Variants in SLC24A3 observed in about 807,000 individuals in gnomAD.
SLC24A3 encodes the protein sodium/potassium/calcium exchanger 3.
Under a neutral mutation model 75.8 loss-of-function variants are expected in SLC24A3, and 28 were observed. The observed-to-expected ratio is 0.37, with a 90% CI of 0.27 to 0.51. The LOEUF (loss-of-function observed/expected upper bound fraction) is 0.51, where lower values mean the gene tolerates loss of function less well. SLC24A3 is among the 20% of genes least tolerant of loss of function. SLC24A3 has a pLI of 0.94. For missense variants in SLC24A3, 663 were observed against 847.8 expected (o/e 0.78, Z 2.71); for synonymous variants, 372 against 334.1 (o/e 1.11, Z -1.24).
chr20:19,502,093 A>G (rs567707083), intron 2 of SLC24A3, among the ~76,000 whole-genome samples: 102 of 152,276 alleles, frequency 6.7e-4, no homozygotes, highest in African/African-American at 2.4e-3. Flanking sequence ...AGACTGGCAG[A>G]GAGCCATAGC....
At chr20:19,504,722 G>C (rs374629357) in intron 2 of SLC24A3, among the ~76,000 whole-genome samples, 1 of 152,196 alleles carries the variant, frequency 6.6e-6, no homozygotes, top group African/African-American at 2.4e-5. Flanking sequence ...GGCACCAAGG[G>C]ACACTTTGAG....
Position 19,430,531 on chromosome 20 carries a change from A to G in SLC24A3, c.272-84957A>G, listed in dbSNP as rs144048754. Among the ~76,000 whole-genome samples the G allele has an allele frequency of 2.8e-4, 43 of 152,306 alleles. 3 individuals carry two copies. The East Asian group carries it at 8.3e-3, about 29-fold the overall frequency. On this transcript the variant is annotated intron_variant, in intron 2 of 16. Coordinates refer to ENST00000328041, the MANE Select transcript of SLC24A3 (RefSeq NM_020689.4). The stretch of plus-strand genomic sequence containing the variant: ...CAGTTTATTTATGTGGAATTTAAAA[A>G]CAGAACGTGGACTATAGGATTTCTG...
chr20:19,484,169 A>C (rs1446206147), intron 2 of SLC24A3, among the ~76,000 whole-genome samples: 1 of 152,188 alleles, frequency 6.6e-6, no homozygotes, highest in Non-Finnish European at 1.5e-5. Flanking sequence ...AGTATTTTGA[A>C]TTTTGGATTT....
intron 1 of SLC24A3, chr20:19,244,401 A>G (rs1982424181): frequency 6.6e-6 from 1 of 152,284 alleles, no homozygotes; most frequent in Non-Finnish European, 1.5e-5. Flanking sequence ...GGAGCTGGAC[A>G]TTAGCCTCTA....
chr20:19,441,548 G>C (rs1987299482), intron 2 of SLC24A3, among the ~76,000 whole-genome samples: 1 of 152,134 alleles, frequency 6.6e-6, no homozygotes, highest in Non-Finnish European at 1.5e-5. Context: ...TAGAGTTACA[G>C]AAAAGTGAGT....
intron 2 of SLC24A3, among the ~76,000 whole-genome samples, chr20:19,471,488 T>C (rs952486166): frequency 6.6e-6 from 1 of 151,782 alleles, no homozygotes; most frequent in Non-Finnish European, 1.5e-5. Flanking sequence ...TGAATGCATG[T>C]GTGTTCAAGG....
At chr20:19,694,125 C>T (rs866538791) in intron 13 of SLC24A3, 1 of 152,212 alleles carries the variant, frequency 6.6e-6, no homozygotes, top group African/African-American at 2.4e-5. Context: ...TTGACATTGA[C>T]TGATATTAGT....
At chr20:19,658,660 G>A (rs2032291529) in intron 7 of SLC24A3, among the ~76,000 whole-genome samples, 1 of 152,274 alleles carries the variant, frequency 6.6e-6, no homozygotes, top group African/African-American at 2.4e-5. Flanking sequence ...CATCTGGCCA[G>A]CGGTGGAGAG....
At chr20:19,278,752 C>T (rs906158586) in intron 1 of SLC24A3, among the ~76,000 whole-genome samples, 1 of 152,148 alleles carries the variant, frequency 6.6e-6, no homozygotes, top group Non-Finnish European at 1.5e-5. Flanking sequence ...TCATTAGACT[C>T]CACATCCTTC....
At chr20:19,552,332 G>C (rs1408716844) in intron 3 of SLC24A3, among the ~76,000 whole-genome samples, 1 of 152,138 alleles carries the variant, frequency 6.6e-6, no homozygotes, top group African/African-American at 2.4e-5. Context: ...CGCAAGCAAA[G>C]CTCCTCCCTC....
At chr20:19,235,800 A>G (rs1982149548) in intron 1 of SLC24A3, among the ~76,000 whole-genome samples, 1 of 152,108 alleles carries the variant, frequency 6.6e-6, no homozygotes, top group Admixed American at 6.5e-5. Flanking sequence ...TCCATTACCT[A>G]CAAGGTGCAA....
At chr20:19,497,148 C>G (rs764398866) in intron 2 of SLC24A3, among the ~76,000 whole-genome samples, 1 of 152,224 alleles carries the variant, frequency 6.6e-6, no homozygotes, top group Non-Finnish European at 1.5e-5. Flanking sequence ...TGCCAACATG[C>G]TTTCCATCAG....
intron 6 of SLC24A3, among the ~76,000 whole-genome samples, chr20:19,633,648 C>CAAAAAAAA (rs61251598): frequency 2.4e-5 from 2 of 85,102 alleles, no homozygotes; most frequent in African/African-American, 5.0e-5. Flanking sequence ...GACTCCGTCT[C>CAAAAAAAA]AAAAAAAAAA....
chr20:19,343,069 C>CAAAA (rs5840837), intron 2 of SLC24A3, among the ~76,000 whole-genome samples: 8 of 73,742 alleles, frequency 1.1e-4, no homozygotes, highest in East Asian at 3.7e-4. Flanking sequence ...GACTCCATCT[C>CAAAA]AAAAAAAAAA....
chr20:19,213,135 G>C, intron 1 of SLC24A3, 151 bp downstream of exon 1: 1 of 858,724 alleles, frequency 1.2e-6, no homozygotes, highest in Non-Finnish European at 1.5e-6. Flanking sequence ...CAGGCACGAG[G>C]ACTCCCCCTG....
intron 10 of SLC24A3, 45 bp downstream of exon 10, chr20:19,682,036 T>G: frequency 3.7e-6 from 6 of 1,602,724 alleles, no homozygotes; most frequent in Non-Finnish European, 5.1e-6. Context: ...GAGGATCAAT[T>G]GAGGCCAGGA....
chr20:19,453,875 G>C (rs897213060), intron 2 of SLC24A3, among the ~76,000 whole-genome samples: 2 of 152,242 alleles, frequency 1.3e-5, no homozygotes, highest in Admixed American at 1.3e-4. Flanking sequence ...TGGGGGCTTA[G>C]GGTGTTCCCA....
intron 6 of SLC24A3, among the ~76,000 whole-genome samples, chr20:19,601,058 C>T (rs557142717): frequency 6.6e-6 from 1 of 152,302 alleles, no homozygotes; most frequent in South Asian, 2.1e-4. Context: ...AGTTACTTAA[C>T]CTTGCTGTAC....
chr20:19,373,875 G>A lies in SLC24A3; in HGVS notation c.271+92788G>A, dbSNP rs145394095. Among the ~76,000 whole-genome samples the A allele has an allele frequency of 3.3e-3, 501 of 152,166 alleles. 4 individuals carry two copies. The highest frequency in any genetic ancestry group is 5.4e-3 in the Non-Finnish European group (364 of 67,998). ...TGAGATCAGCGGTGGGAGCAGGGTGGGCAGGGAGGAGTGTGTGTCTATCTA... is the reference window on the plus strand; with the variant it reads ...TGAGATCAGCGGTGGGAGCAGGGTGAGCAGGGAGGAGTGTGTGTCTATCTA... On this transcript the variant is annotated intron_variant, in intron 2 of 16. Transcript: ENST00000328041.
Sources: gnomAD v4.1 joint callset for allele counts (sites outside exome capture counted in the v4.1 genomes callset) on GRCh38, gnomAD v4.1.1 for gene constraint, MANE v1.5 for transcripts, NCBI Gene and HGNC (gene_info 2026-07-23, HGNC 2026-07-21) for gene names.